The following TMEM132B variants were observed in gnomAD, a reference collection of about 807,000 sequenced individuals.
TMEM132B encodes transmembrane protein 132B.
Under a neutral mutation model 90.8 loss-of-function variants are expected in TMEM132B, and 18 were observed. The observed-to-expected ratio is 0.20, with a 90% CI of 0.14 to 0.29. The LOEUF (loss-of-function observed/expected upper bound fraction) is 0.29. Ranked by LOEUF, TMEM132B falls within the 10% of genes least tolerant of loss-of-function variation. The pLI is 1.00. For synonymous variants in TMEM132B, 504 were observed against 523.3 expected, an observed-to-expected ratio of 0.96 and a Z score of 0.50; for missense variants, 1,096 against 1,326.8, an observed-to-expected ratio of 0.83 and a Z score of 2.70.
intron 3 of TMEM132B, among the ~76,000 whole-genome samples, chr12:125,455,650 G>A (rs1463830181): frequency 3.3e-5 from 5 of 151,798 alleles, no homozygotes; most frequent in African/African-American, 1.2e-4. Flanking sequence ...TCCAGGGATG[G>A]ATTATCTTCA....
intron 2 of TMEM132B, among the ~76,000 whole-genome samples, chr12:125,373,265 G>C (rs1214779056): frequency 4.6e-5 from 7 of 152,194 alleles, no homozygotes; most frequent in Admixed American, 3.9e-4. Flanking sequence ...GTGGCTTGAT[G>C]CCTGCCATGG....
rs73426803 is a variant in TMEM132B, at chr12:125,402,810, G to A, written c.960-12721G>A. 5.9e-3 allele frequency among the ~76,000 whole-genome samples: 895 copies of A among 152,188 alleles called. 10 individuals carry two copies. Among genetic ancestry groups the A allele is most frequent in the African/African-American group, 0.02 (846 of 41,520 alleles). On this transcript the variant is annotated intron_variant, in intron 2 of 8. Transcript: ENST00000682704. ...CCGTATGTAATCCCATAATTTCAAG[G>A]ATTCATACAGCAAATGTTTATGTAA...
intron 1 of TMEM132B, among the ~76,000 whole-genome samples, chr12:125,294,889 GA>G (rs34860868): frequency 0.3 from 46,206 of 152,110 alleles, 7,359 homozygotes; most frequent in East Asian, 0.54. Context: ...CTAAGTGGCA[GA>G]AAAAATGCAG....
intron 3 of TMEM132B, among the ~76,000 whole-genome samples, chr12:125,430,934 G>T (rs565948677): frequency 6.6e-6 from 1 of 152,180 alleles, no homozygotes; most frequent in Non-Finnish European, 1.5e-5. Flanking sequence ...GGAGTGTGGG[G>T]AGGAGGCAGG....
chr12:125,638,981 A>G (rs981131444), intron 5 of TMEM132B, among the ~76,000 whole-genome samples: 26 of 152,168 alleles, frequency 1.7e-4, no homozygotes, highest in African/African-American at 5.8e-4. Flanking sequence ...GACACAAATC[A>G]TCTGTTTTCA....
chr12:125,555,076 T>A (rs1485684848), intron 4 of TMEM132B, among the ~76,000 whole-genome samples: 2 of 152,218 alleles, frequency 1.3e-5, no homozygotes, highest in African/African-American at 4.8e-5. Context: ...ATGATGTGCA[T>A]CTGTTATTTA....
chr12:125,404,729 G>A (rs1879416027), intron 2 of TMEM132B, among the ~76,000 whole-genome samples: 1 of 152,154 alleles, frequency 6.6e-6, no homozygotes, highest in South Asian at 2.1e-4. Flanking sequence ...CTTGCAGCTG[G>A]AATTAAATTC....
At chr12:125,238,213 T>G (rs1187273272) in intron 1 of TMEM132B, among the ~76,000 whole-genome samples, 1 of 151,912 alleles carries the variant, frequency 6.6e-6, no homozygotes, top group East Asian at 1.9e-4. Context: ...CGCCTCTGTT[T>G]GTCAAAACAG....
intron 1 of TMEM132B, among the ~76,000 whole-genome samples, chr12:125,256,074 T>C (rs1874432587): frequency 6.6e-6 from 1 of 152,214 alleles, no homozygotes; most frequent in South Asian, 2.1e-4. Context: ...GGTCAGTCAG[T>C]GCGTTCATGT....
chr12:125,422,705 C>T (rs545091522), intron 3 of TMEM132B, among the ~76,000 whole-genome samples: 37 of 152,280 alleles, frequency 2.4e-4, no homozygotes, highest in African/African-American at 8.2e-4. Flanking sequence ...AGGAAACGGC[C>T]ACGTGGTGAC....
At chr12:125,599,455 G>A (rs1032855980) in intron 5 of TMEM132B, among the ~76,000 whole-genome samples, 6 of 152,114 alleles carry the variant, frequency 3.9e-5, no homozygotes, top group Non-Finnish European at 7.4e-5. Flanking sequence ...AACTTTTGGG[G>A]AAGGGCCCTA....
chr12:125,247,685 G>T (rs1243555584), intron 1 of TMEM132B, among the ~76,000 whole-genome samples: 2 of 152,004 alleles, frequency 1.3e-5, no homozygotes, highest in Non-Finnish European at 2.9e-5. Context: ...GCAGCCCCCT[G>T]ACCAATTAGA....
intron 1 of TMEM132B, among the ~76,000 whole-genome samples, chr12:125,220,712 C>A (rs1326291401): frequency 3.3e-5 from 5 of 152,222 alleles, no homozygotes; most frequent in African/African-American, 1.2e-4. Context: ...CTTAGGTGAT[C>A]TTCCTGCCTC....
At chr12:125,381,454 C>T (rs1878678355) in intron 2 of TMEM132B, among the ~76,000 whole-genome samples, 1 of 152,194 alleles carries the variant, frequency 6.6e-6, no homozygotes, top group Admixed American at 6.5e-5. Context: ...AGAATTGTCC[C>T]TCAGGAAAAT....
intron 2 of TMEM132B, among the ~76,000 whole-genome samples, chr12:125,375,702 C>T (rs1026248281): frequency 2.0e-5 from 3 of 152,228 alleles, no homozygotes; most frequent in Non-Finnish European, 2.9e-5. Flanking sequence ...ACCACGGCTG[C>T]GTGTTTCCAT....
At chr12:125,505,367 G>C (rs1882820143) in intron 3 of TMEM132B, among the ~76,000 whole-genome samples, 1 of 151,870 alleles carries the variant, frequency 6.6e-6, no homozygotes, top group African/African-American at 2.4e-5. Flanking sequence ...GAATAAAGTT[G>C]AAGTTGTAGA....
Position 125,519,446 on chromosome 12 carries a change from G to A in TMEM132B, c.1114G>A (p.Gly372Arg), listed in dbSNP as rs1592970659. 6.2e-7 allele frequency: 1 copy of A among 1,606,324 alleles called. No individual in the cohort carries two copies. The highest frequency in any genetic ancestry group is 8.5e-7 in the Non-Finnish European group (1 of 1,175,290). ...TATGTGTTTGTTTTCCAGGGTAAAT[G>A]GATCCTTCTATGAGATCTTGCAAGT... ...HRPDTQSRVNGSFYEILQVDF... is the reference protein window; with the variant it reads ...HRPDTQSRVNRSFYEILQVDF... Residue 372 changes from glycine to arginine, a missense_variant, in exon 4 of 9, where the codon GGA (glycine) becomes AGA (arginine). By Grantham distance (125) the Gly-to-Arg change is moderately radical (BLOSUM62 -2). Coordinates refer to ENST00000682704, the MANE Select transcript of TMEM132B (RefSeq NM_001366854.1).
chr12:125,464,463 G>A (rs1434278576), intron 3 of TMEM132B, among the ~76,000 whole-genome samples: 1 of 152,130 alleles, frequency 6.6e-6, no homozygotes, highest in Admixed American at 6.5e-5. Flanking sequence ...ACAGACTGTT[G>A]CTTGTCATTT....
intron 2 of TMEM132B, among the ~76,000 whole-genome samples, chr12:125,376,831 C>T (rs1878506167): frequency 6.6e-6 from 1 of 152,204 alleles, no homozygotes; most frequent in Non-Finnish European, 1.5e-5. Flanking sequence ...AGCCAGTGCC[C>T]CCAGGCACAT....
Sources: gnomAD v4.1 joint callset for allele counts (sites outside exome capture counted in the v4.1 genomes callset) on GRCh38, gnomAD v4.1.1 for gene constraint, MANE v1.5 for transcripts, NCBI Gene and HGNC (gene_info 2026-07-23, HGNC 2026-07-21) for gene names.